The following CSMD1 variants were observed in gnomAD, a reference collection of about 807,000 sequenced individuals.
CSMD1 encodes the protein CUB and sushi domain-containing protein 1.
Under a neutral mutation model 417.5 loss-of-function variants are expected in CSMD1, and 213 were observed. That is an observed-to-expected ratio of 0.51 (90% CI 0.46 to 0.57). The LOEUF (loss-of-function observed/expected upper bound fraction) is 0.57. Ranked by LOEUF, CSMD1 falls within the 20% of genes least tolerant of loss-of-function variation. The probability of loss-of-function intolerance (pLI) is 0.00; values close to 1 mark genes in which losing one functional copy is unlikely to be tolerated. For synonymous variants in CSMD1, 2,862 were observed against 1,736.8 expected (o/e 1.65, Z -16.11); for missense variants, 6,923 against 4,529.7 (o/e 1.53, Z -15.17).
chr8:4,854,702 C>A lies in CSMD1; in HGVS notation c.85+139630G>T, dbSNP rs148018446. 2.4e-3 allele frequency among the ~76,000 whole-genome samples: 363 copies of A among 152,250 alleles called. 2 individuals carry two copies. Among genetic ancestry groups the A allele is most frequent in the African/African-American group, 8.4e-3 (347 of 41,540 alleles). ...CTCCCACCCGAATACTGCCCTTTTC[C>A]GACGGGCTTAAAAAACGGTGCACCA... On this transcript the variant is annotated intron_variant, in intron 1 of 69. Transcript: ENST00000635120.
At chr8:3,010,155 C>T (rs1179090489) in intron 52 of CSMD1, among the ~76,000 whole-genome samples, 1 of 152,180 alleles carries the variant, frequency 6.6e-6, no homozygotes, top group African/African-American at 2.4e-5. Flanking sequence ...AAAGGAAGAG[C>T]TGCCCATTCA....
chr8:2,963,460 G>A (rs1208422951), intron 59 of CSMD1, 65 bp from the exon 60 acceptor site: 3 of 1,503,774 alleles, frequency 2.0e-6, no homozygotes, highest in Admixed American at 1.8e-5. Context: ...ATGTTCAAAC[G>A]ATTCCCATTT....
chr8:4,453,628 T>A (rs73660854), intron 2 of CSMD1, among the ~76,000 whole-genome samples: 17,951 of 151,942 alleles, frequency 0.12, 1,205 homozygotes, highest in South Asian at 0.21. Context: ...GAGAAATGTA[T>A]AGAACTGGCA....
chr8:4,148,679 C>A (rs762597691), intron 3 of CSMD1, among the ~76,000 whole-genome samples: 4 of 152,112 alleles, frequency 2.6e-5, no homozygotes, highest in African/African-American at 9.7e-5. Context: ...GCCCTCGTGT[C>A]TCTTCTAGTA....
chr8:4,977,633 C>G (rs1192407116), intron 1 of CSMD1, among the ~76,000 whole-genome samples: 1 of 152,204 alleles, frequency 6.6e-6, no homozygotes, highest in Non-Finnish European at 1.5e-5. Context: ...CAGCTGCTGC[C>G]TTACCCCACG....
At chr8:3,461,102 G>GT (rs1480092789) in intron 12 of CSMD1, among the ~76,000 whole-genome samples, 2 of 152,234 alleles carry the variant, frequency 1.3e-5, no homozygotes, top group African/African-American at 4.8e-5. Flanking sequence ...GCAGACTCAG[G>GT]TCCCACCATC....
intron 10 of CSMD1, among the ~76,000 whole-genome samples, chr8:3,546,328 G>A (rs540084437): frequency 1.3e-5 from 2 of 152,034 alleles, no homozygotes; most frequent in African/African-American, 2.4e-5. Context: ...GAGGTCAGGA[G>A]ATCGAGACCA....
chr8:4,065,879 A>T (rs11783073), intron 3 of CSMD1, among the ~76,000 whole-genome samples: 3 of 151,994 alleles, frequency 2.0e-5, no homozygotes, highest in African/African-American at 7.3e-5. Flanking sequence ...ACTGTCTTCC[A>T]TAAGAAAGAC....
intron 33 of CSMD1, among the ~76,000 whole-genome samples, chr8:3,195,604 A>G (rs1473061997): frequency 6.6e-6 from 1 of 152,172 alleles, no homozygotes; most frequent in Non-Finnish European, 1.5e-5. Flanking sequence ...CTAAACCTGT[A>G]TAACCACGGC....
chr8:4,942,643 T>A (rs1045202806), intron 1 of CSMD1, among the ~76,000 whole-genome samples: 3 of 152,208 alleles, frequency 2.0e-5, no homozygotes, highest in Admixed American at 1.3e-4. Context: ...TTTCACCATC[T>A]ATCCACTAAA....
At chr8:3,204,573 C>T (rs1223128831) in intron 31 of CSMD1, among the ~76,000 whole-genome samples, 2 of 152,044 alleles carry the variant, frequency 1.3e-5, no homozygotes, top group Non-Finnish European at 2.9e-5. Flanking sequence ...GCATTACATT[C>T]GTAAGAGGCC....
rs560458268 is a variant in CSMD1, at chr8:4,023,623, G to C, written c.610+8282C>G. ...TTTTCCTGACACGGAGTCTCGCTCT[G>C]TCGCCCAGGCTAGAGTGCAGTGGCG... On this transcript the variant is annotated intron_variant, in intron 4 of 69. Coordinates refer to ENST00000635120, the MANE Select transcript of CSMD1 (RefSeq NM_033225.6). Among the ~76,000 whole-genome samples, 75 of 134,414 alleles carry C rather than the reference G, an allele frequency of 5.6e-4. 1 individual carries two copies. Among genetic ancestry groups the C allele is most frequent in the Middle Eastern group, 4.5e-3 (1 of 222 alleles). The allele number at this position is 134,414 out of a possible 152,430, so 88.2% of individuals were successfully genotyped here.
chr8:3,329,180 T>G (rs1806731091), intron 23 of CSMD1, among the ~76,000 whole-genome samples: 1 of 152,070 alleles, frequency 6.6e-6, no homozygotes, highest in Non-Finnish European at 1.5e-5. Context: ...AAGAGGGCAT[T>G]GAAAAATGAC....
chr8:3,606,389 G>A (rs542262612), intron 8 of CSMD1, among the ~76,000 whole-genome samples: 1 of 152,238 alleles, frequency 6.6e-6, no homozygotes, highest in East Asian at 1.9e-4. Context: ...ACTGTACTGA[G>A]TACTGTAGGC....
intron 3 of CSMD1, among the ~76,000 whole-genome samples, chr8:4,400,162 G>A (rs894345862): frequency 1.3e-5 from 2 of 152,168 alleles, no homozygotes; most frequent in Admixed American, 1.3e-4. Flanking sequence ...TGTGGTTAGG[G>A]AAGTAATTAC....
At chr8:4,706,427 A>T (rs1807944524) in intron 1 of CSMD1, among the ~76,000 whole-genome samples, 1 of 152,252 alleles carries the variant, frequency 6.6e-6, no homozygotes, top group African/African-American at 2.4e-5. Flanking sequence ...AGCATAACAG[A>T]TGATATGACC....
chr8:4,981,808 G>C (rs1279712499), intron 1 of CSMD1, among the ~76,000 whole-genome samples: 5 of 152,084 alleles, frequency 3.3e-5, no homozygotes, highest in Non-Finnish European at 4.4e-5. Context: ...GACAGTGATA[G>C]GCTACATGTG....
At position 4,032,103 on chromosome 8, in the gene CSMD1, T is replaced by C. The variant is rs377721739; in HGVS notation, c.416-4A>G. ...CCACAAGTGTGGCTAGGTAAAACTA[T>C]TGGAAAAAGAAAAGAAAGGAGAAAA... On this transcript the variant is annotated splice_polypyrimidine_tract_variant and splice_region_variant and intron_variant, in intron 3 of 69. Transcript: ENST00000635120. 57 of 1,594,538 alleles carry C rather than the reference T, an allele frequency of 3.6e-5. No homozygotes were observed. Among genetic ancestry groups the C allele is most frequent in the South Asian group, 5.6e-5 (5 of 89,206 alleles).
intron 2 of CSMD1, among the ~76,000 whole-genome samples, chr8:4,460,580 A>G (rs918788315): frequency 7.2e-5 from 11 of 151,938 alleles, no homozygotes; most frequent in Non-Finnish European, 1.2e-4. Context: ...CTGTTCAAGA[A>G]ATAAAGAAGT....
Sources: allele counts gnomAD v4.1 joint callset (sites outside exome capture counted in the v4.1 genomes callset), GRCh38; gene constraint gnomAD v4.1.1; transcripts MANE v1.5; gene names NCBI Gene and HGNC (gene_info 2026-07-23, HGNC 2026-07-21).